RBM28: variants seen among roughly 807,000 people sequenced by gnomAD.
RBM28 encodes RNA binding motif protein 28, also known as RNA-binding protein 28.
RBM28 carries 78 observed loss-of-function variants against 98.3 expected under a neutral mutation model. The observed-to-expected ratio is 0.79, with a 90% confidence interval of 0.66 to 0.96. The LOEUF is 0.96. Among genes scored for constraint, RBM28 ranks in the 40% least tolerant of loss-of-function variants. The pLI is 0.00. For synonymous variants in RBM28, 306 were observed against 330.9 expected (o/e 0.92, Z 0.82); for missense variants, 838 against 913.0 (o/e 0.92, Z 1.06).
intron 16 of RBM28, 99 bp downstream of exon 16, chr7:128,317,560 C>T: frequency 1.0e-6 from 1 of 961,118 alleles, no homozygotes; most frequent in South Asian, 1.3e-5. Flanking sequence ...GCAAAAAAAC[C>T]TAACTGAGGG....
chr7:128,315,341 A>C lies in RBM28; in HGVS notation c.1789-321T>G, dbSNP rs138247861. Reference sequence around the variant, plus strand: ...TATGTAGAAGGAGAATACAAGAAGAAAGCAAGCAACAGAAAAGATAATGAA... The same window carrying C: ...TATGTAGAAGGAGAATACAAGAAGACAGCAAGCAACAGAAAAGATAATGAA... On this transcript the variant is annotated intron_variant, in intron 16 of 18. Coordinates refer to ENST00000223073, the MANE Select transcript of RBM28 (RefSeq NM_018077.3). Among the ~76,000 whole-genome samples the C allele has an allele frequency of 9.2e-5, 14 of 152,338 alleles. No individual in the cohort carries two copies. The East Asian group carries it at 2.7e-3, about 29-fold the overall frequency.
chr7:128,313,439 T>G (rs1796031626), intron 17 of RBM28, among the ~76,000 whole-genome samples, 165 bp from the exon 18 acceptor site: 1 of 152,160 alleles, frequency 6.6e-6, no homozygotes, highest in South Asian at 2.1e-4. Flanking sequence ...TACTTAGGAC[T>G]GCTTGATGCC....
At chr7:128,314,435 C>A (rs1796061327) in intron 17 of RBM28, among the ~76,000 whole-genome samples, 1 of 152,180 alleles carries the variant, frequency 6.6e-6, no homozygotes, top group Non-Finnish European at 1.5e-5. Context: ...TTTTGTAGAG[C>A]ACTAATCTGC....
rs1038910294 is a variant in RBM28 at position 128,313,163 on chromosome 7, T to G, written c.2145+12A>C. The G allele has an allele frequency of 6.2e-7, 1 of 1,609,900 alleles. No homozygotes were observed. Among genetic ancestry groups the G allele is most frequent in the Non-Finnish European group, 8.5e-7 (1 of 1,176,194 alleles). On this transcript the variant is annotated intron_variant, in intron 18 of 18. Coordinates refer to ENST00000223073, the MANE Select transcript of RBM28 (RefSeq NM_018077.3). ...CATGCCATACCAAAGCTGTATGTCC[T>G]GCAGAACTCACCTGCTCGGACGATA...
At position 128,314,794 on chromosome 7, in the gene RBM28, G is replaced by A. The variant is rs61733106; in HGVS notation, c.2015C>T (p.Ala672Val). Residue 672 changes from alanine to valine, a missense_variant, in exon 17 of 19, where the codon GCG (alanine) becomes GTG (valine). Ala to Val is a moderately conservative substitution (Grantham distance 64). Coordinates refer to ENST00000223073, the MANE Select transcript of RBM28 (RefSeq NM_018077.3). The part of the protein sequence containing the change: ...PDGKKRRKVL[A>V]LPSHRGPKIR... Reference sequence around the variant, plus strand: ...TTTGGGGCCTCGGTGTGAGGGGAGCGCCAGGACCTTTCTTCTCTTCTTTCC... The same window carrying A: ...TTTGGGGCCTCGGTGTGAGGGGAGCACCAGGACCTTTCTTCTCTTCTTTCC... The A allele has an allele frequency of 1.2e-3, 1,947 of 1,614,142 alleles. 19 individuals are homozygous for A. The African/African-American group carries it at 0.02, about 17-fold the overall frequency.
At chr7:128,338,989 C>T (rs1181957728) in intron 3 of RBM28, among the ~76,000 whole-genome samples, 188 bp from the exon 4 acceptor site, 5 of 152,198 alleles carry the variant, frequency 3.3e-5, no homozygotes, top group Non-Finnish European at 2.9e-5. Flanking sequence ...AAAACACAGA[C>T]GTCTGAGAAC....
At position 128,300,950 on chromosome 7, in the gene RBM28, G is replaced by C. The variant is rs1795774568; in HGVS notation, c.*9847C>G. On this transcript the variant is annotated 3_prime_UTR_variant, in exon 19 of 19. Transcript: ENST00000223073. ...ACTCTCCTTCTGCCTGCAGTTGTGA[G>C]GAAAGAAGGGGCACTGAGGAGGATG... 6.6e-6 allele frequency: 1 copy of C among 152,510 alleles called. No individual in the cohort carries two copies. Among genetic ancestry groups the C allele is most frequent in the Non-Finnish European group, 1.5e-5 (1 of 68,300 alleles). The allele number at this position is 152,510 out of a possible 1,614,324, so 9.4% of individuals were successfully genotyped here.
Position 128,323,524 on chromosome 7 carries a change from C to G in RBM28, c.1404+3G>C. ...CGTGAAGGTCAATGCCTAATCTACT[C>G]ACCCGTTCTCTTTTGGCCATATCAG... On this transcript the variant is annotated splice_donor_region_variant and intron_variant, in intron 13 of 18. Coordinates refer to ENST00000223073, the MANE Select transcript of RBM28 (RefSeq NM_018077.3). The G allele has an allele frequency of 6.2e-7, 1 of 1,614,208 alleles. No homozygotes were observed. Among genetic ancestry groups the G allele is most frequent in the Non-Finnish European group, 8.5e-7 (1 of 1,180,014 alleles).
chr7:128,309,946 A>G lies in RBM28; in HGVS notation c.*851T>C, dbSNP rs1176638793. The stretch of plus-strand genomic sequence containing the variant: ...TAGGGCTGAAGAGCCCAGGGAATCA[A>G]ATGTTATAGGAAGACAAGATTTCAA... On this transcript the variant is annotated 3_prime_UTR_variant, in exon 19 of 19. Transcript: ENST00000223073. The G allele has an allele frequency of 6.6e-6, 1 of 152,178 alleles. No individual in the cohort carries two copies. The highest frequency in any genetic ancestry group is 1.5e-5 in the Non-Finnish European group (1 of 68,042). The allele number at this position is 152,178 out of a possible 1,614,324, so 9.4% of individuals were successfully genotyped here. A position where few individuals can be genotyped will look rare whatever the true frequency, so the allele number is the denominator to read the frequency against.
At chr7:128,331,186 C>T (rs906448281) in intron 9 of RBM28, among the ~76,000 whole-genome samples, 2 of 152,092 alleles carry the variant, frequency 1.3e-5, no homozygotes, top group Admixed American at 6.5e-5. Context: ...TTCTAAACAG[C>T]GGTGCCCCCC....
In RBM28 at chr7:128,302,221, C is replaced by G. The variant is rs942468183; in HGVS notation, c.*8576G>C. ...AGAGACAAATGGTGATTCTAAGAAC[C>G]TGTCCCCTTCCCTGGGACTCACTCC... On this transcript the variant is annotated 3_prime_UTR_variant, in exon 19 of 19. Transcript: ENST00000223073. The G allele has an allele frequency of 5.9e-5, 9 of 152,258 alleles. No individual in the cohort carries two copies. Among genetic ancestry groups the G allele is most frequent in the Non-Finnish European group, 2.9e-5 (2 of 68,048 alleles). 9.4% of individuals were successfully genotyped at this position (152,258 alleles called of 1,614,324 possible). A position where few individuals can be genotyped will look rare whatever the true frequency, so the allele number is the denominator to read the frequency against.
chr7:128,332,922 G>A (rs1002922916), intron 9 of RBM28, among the ~76,000 whole-genome samples: 1 of 152,190 alleles, frequency 6.6e-6, no homozygotes, highest in Non-Finnish European at 1.5e-5. Flanking sequence ...TGCATCAGAA[G>A]ATAAGTTAGG....
chr7:128,335,120 C>A (rs1482803201), intron 8 of RBM28, among the ~76,000 whole-genome samples: 1 of 152,174 alleles, frequency 6.6e-6, no homozygotes, highest in Non-Finnish European at 1.5e-5. Flanking sequence ...CTAAACAGTT[C>A]TTTATCCCCA....
chr7:128,320,445 A>G (rs1352028650), intron 14 of RBM28, among the ~76,000 whole-genome samples: 1 of 151,890 alleles, frequency 6.6e-6, no homozygotes, highest in Non-Finnish European at 1.5e-5. Context: ...AAAAAAAGAA[A>G]AGAGAAATAC....
chr7:128,333,166 G>C (rs1249696748), intron 9 of RBM28, 124 bp downstream of exon 9: 1 of 758,824 alleles, frequency 1.3e-6, no homozygotes, highest in African/African-American at 1.7e-5. Flanking sequence ...GTATGTTCCT[G>C]GGACCAGATG....
intron 14 of RBM28, among the ~76,000 whole-genome samples, chr7:128,320,586 G>A (rs1796210150): frequency 6.6e-6 from 1 of 152,180 alleles, no homozygotes; most frequent in Non-Finnish European, 1.5e-5. Context: ...ACAAGGCATA[G>A]GGGACTCTGA....
At position 128,338,747 on chromosome 7, in the gene RBM28, C is replaced by G; in HGVS notation, c.427G>C (p.Val143Leu). 2 of 1,608,606 alleles carry G rather than the reference C, an allele frequency of 1.2e-6. No homozygotes were observed. The highest frequency in any genetic ancestry group is 1.7e-6 in the Non-Finnish European group (2 of 1,175,032). Residue 143 changes from valine (V) to leucine (L), a missense_variant, in exon 4 of 19, where the codon GTA (valine) becomes CTA (leucine). By Grantham distance (32) the Val-to-Leu change is conservative. Transcript: ENST00000223073. Reference protein sequence around the residue: ...VFAQFGAVLEVNIPRKPDGKM... With the variant: ...VFAQFGAVLELNIPRKPDGKM... ...GTACCTGGTTTCCTAGGGATATTTA[C>G]TTCCAGGACAGCTCCAAATTGAGCA...
chr7:128,327,176 T>A (rs557063767), intron 10 of RBM28, among the ~76,000 whole-genome samples: 1 of 152,112 alleles, frequency 6.6e-6, no homozygotes, highest in South Asian at 2.1e-4. Context: ...CCACATGAAA[T>A]GGTAGAGAAA....
intron 9 of RBM28, among the ~76,000 whole-genome samples, chr7:128,332,864 C>T (rs1796511218): frequency 6.6e-6 from 1 of 152,124 alleles, no homozygotes; most frequent in African/African-American, 2.4e-5. Flanking sequence ...CCCACTCCCA[C>T]CTAGTTTTCC....
Sources: gnomAD v4.1 joint callset for allele counts (sites outside exome capture counted in the v4.1 genomes callset) on GRCh38, gnomAD v4.1.1 for gene constraint, MANE v1.5 for transcripts, NCBI Gene and HGNC (gene_info 2026-07-23, HGNC 2026-07-21) for gene names.